The following CAMKMT variants were observed in gnomAD, a reference collection of about 807,000 sequenced individuals.
CAMKMT encodes calmodulin-lysine N-methyltransferase.
CAMKMT carries 53 observed loss-of-function variants against 48.0 expected under a neutral mutation model. That is an observed-to-expected ratio of 1.10 (90% confidence interval 0.89 to 1.39). The LOEUF (loss-of-function observed/expected upper bound fraction) is 1.39. CAMKMT is among the 40% of genes most tolerant of loss of function. CAMKMT has a pLI of 0.00. For missense variants in CAMKMT, 428 were observed against 402.7 expected (o/e 1.06, Z -0.54); for synonymous variants, 165 against 152.3 (o/e 1.08, Z -0.61).
intron 3 of CAMKMT, among the ~76,000 whole-genome samples, chr2:44,544,163 A>C (rs1263400241): frequency 6.6e-6 from 1 of 152,034 alleles, no homozygotes; most frequent in African/African-American, 2.4e-5. Context: ...TGTTAAATAC[A>C]TCCCATGTTT....
chr2:44,366,240 A>G lies in CAMKMT; in HGVS notation c.138+4095A>G, dbSNP rs143717833. ...TAATTTGTTATTTTGAAGAATAAGT[A>G]GAATAAAAAGGTTTGTGAAGAAGCA... On this transcript the variant is annotated intron_variant, in intron 1 of 10. Transcript: ENST00000378494. 6.5e-4 allele frequency among the ~76,000 whole-genome samples: 99 copies of G among 152,380 alleles called. 2 individuals carry two copies. In the East Asian group the frequency reaches 0.013, roughly 20 times the overall value.
chr2:44,715,192 CAAAAAAAA>C (rs35173334), intron 6 of CAMKMT, 87 bp from the exon 7 acceptor site: 39 of 426,608 alleles, frequency 9.1e-5, no homozygotes, highest in South Asian at 2.3e-4. Context: ...GACCCTGTCT[CAAAAAAAA>C]AAAAAAAAAA....
chr2:44,467,620 G>A (rs928426928), intron 3 of CAMKMT, among the ~76,000 whole-genome samples: 7 of 151,594 alleles, frequency 4.6e-5, no homozygotes, highest in African/African-American at 4.8e-5. Flanking sequence ...ACTACAAAGC[G>A]ACAGTCAGCA....
chr2:44,426,975 C>G (rs1442276279), intron 3 of CAMKMT, among the ~76,000 whole-genome samples: 1 of 152,172 alleles, frequency 6.6e-6, no homozygotes, highest in Non-Finnish European at 1.5e-5. Context: ...AAAATAGACA[C>G]ATAGACCAAT....
intron 3 of CAMKMT, among the ~76,000 whole-genome samples, chr2:44,612,610 G>C (rs1282944555): frequency 1.3e-5 from 2 of 152,074 alleles, no homozygotes; most frequent in Non-Finnish European, 2.9e-5. Context: ...TACTTTATTA[G>C]TTCCTATCAT....
intron 6 of CAMKMT, among the ~76,000 whole-genome samples, chr2:44,714,991 C>G (rs369987665): frequency 6.6e-6 from 1 of 151,936 alleles, no homozygotes. Flanking sequence ...GTCAGGAGTT[C>G]GAGACCAGCC....
intron 3 of CAMKMT, among the ~76,000 whole-genome samples, chr2:44,484,313 A>G (rs571033048): frequency 6.6e-6 from 1 of 152,244 alleles, no homozygotes; most frequent in South Asian, 2.1e-4. Flanking sequence ...GATTTACACT[A>G]CCAGATATCA....
At chr2:44,447,477 G>A (rs1184625861) in intron 3 of CAMKMT, among the ~76,000 whole-genome samples, 1 of 152,168 alleles carries the variant, frequency 6.6e-6, no homozygotes, top group Non-Finnish European at 1.5e-5. Context: ...GATAGGTTAT[G>A]TTGCAATAAT....
chr2:44,722,820 T>C (rs1573166517), intron 7 of CAMKMT, among the ~76,000 whole-genome samples: 1 of 152,354 alleles, frequency 6.6e-6, no homozygotes, highest in Non-Finnish European at 1.5e-5. Context: ...TCAGCTGTCA[T>C]AGGATCAGAG....
At chr2:44,594,685 G>A (rs962953081) in intron 3 of CAMKMT, among the ~76,000 whole-genome samples, 3 of 152,134 alleles carry the variant, frequency 2.0e-5, no homozygotes, top group Non-Finnish European at 4.4e-5. Flanking sequence ...AGACTTAAAT[G>A]TAAGACCTAA....
At chr2:44,450,717 A>C (rs1293730670) in intron 3 of CAMKMT, among the ~76,000 whole-genome samples, 2 of 152,142 alleles carry the variant, frequency 1.3e-5, no homozygotes, top group Admixed American at 1.3e-4. Context: ...GGAATAAAAA[A>C]GTACAATTCA....
rs1205658214 is a variant in CAMKMT at position 44,546,202 on chromosome 2, C to CACACACACACAT, written c.376+155898_376+155899insCACACACACATA. On this transcript the variant is annotated intron_variant, in intron 3 of 10. Transcript: ENST00000378494. ...ACACACACACACACACACACACACA[C>CACACACACACAT]ATACATGCACATACCCCTATACCTA... 5.4e-4 allele frequency among the ~76,000 whole-genome samples: 75 copies of CACACACACACAT among 138,918 alleles called. 1 individual carries two copies. Among genetic ancestry groups the CACACACACACAT allele is most frequent in the African/African-American group, 1.8e-3 (71 of 39,894 alleles). 91.1% of individuals were successfully genotyped at this position (138,918 alleles called of 152,430 possible).
chr2:44,593,379 G>A (rs1670430955), intron 3 of CAMKMT, among the ~76,000 whole-genome samples: 2 of 152,236 alleles, frequency 1.3e-5, no homozygotes, highest in South Asian at 2.1e-4. Flanking sequence ...TCAAAGGGAG[G>A]CATTTTTCAG....
intron 7 of CAMKMT, among the ~76,000 whole-genome samples, chr2:44,715,781 C>T (rs1344037020): frequency 6.6e-6 from 1 of 152,142 alleles, no homozygotes; most frequent in Non-Finnish European, 1.5e-5. Context: ...AATGTTGCTA[C>T]TGGCATCTAG....
At chr2:44,553,484 C>G (rs576861894) in intron 3 of CAMKMT, among the ~76,000 whole-genome samples, 2 of 152,056 alleles carry the variant, frequency 1.3e-5, no homozygotes, top group South Asian at 4.2e-4. Context: ...TCTAAGACTC[C>G]TGAGTAGCTG....
intron 2 of CAMKMT, among the ~76,000 whole-genome samples, chr2:44,386,220 G>A (rs1484931393): frequency 6.6e-6 from 1 of 151,976 alleles, no homozygotes; most frequent in Non-Finnish European, 1.5e-5. Context: ...GGGTGCCTCA[G>A]GGTATCTAAT....
At chr2:44,707,576 A>G in intron 6 of CAMKMT, 114 bp downstream of exon 6, 2 of 754,370 alleles carry the variant, frequency 2.7e-6, no homozygotes, top group Non-Finnish European at 4.3e-6. Context: ...TTTCCCCCCT[A>G]CATACATGAT....
intron 3 of CAMKMT, among the ~76,000 whole-genome samples, chr2:44,527,381 A>T (rs1409645493): frequency 2.1e-5 from 3 of 143,052 alleles, no homozygotes; most frequent in Non-Finnish European, 4.5e-5. Context: ...ACATACATAT[A>T]ATATATAATA....
At chr2:44,528,064 G>A (rs188118215) in intron 3 of CAMKMT, among the ~76,000 whole-genome samples, 4 of 152,258 alleles carry the variant, frequency 2.6e-5, no homozygotes, top group East Asian at 1.9e-4. Flanking sequence ...TCGTGGGAAG[G>A]TATTGAGAGA....
Sources: allele counts gnomAD v4.1 joint callset (sites outside exome capture counted in the v4.1 genomes callset), GRCh38; gene constraint gnomAD v4.1.1; transcripts MANE v1.5; gene names NCBI Gene and HGNC (gene_info 2026-07-23, HGNC 2026-07-21).